The following VEPH1 variants were observed in gnomAD, a reference collection of about 807,000 sequenced individuals.
The protein encoded by VEPH1 is ventricular zone-expressed PH domain-containing protein homolog 1.
VEPH1 carries 80 observed loss-of-function variants against 85.2 expected under a neutral mutation model. The observed-to-expected ratio is 0.94, with a 90% CI of 0.78 to 1.13. The LOEUF (loss-of-function observed/expected upper bound fraction) is 1.13, where lower values mean the gene tolerates loss of function less well. Among genes scored for constraint, VEPH1 ranks in the 50% most tolerant of loss-of-function variants. The pLI, the probability that VEPH1 is intolerant of heterozygous loss-of-function variation, is 0.00. For synonymous variants in VEPH1, 297 were observed against 348.0 expected, an observed-to-expected ratio of 0.85 and a Z score of 1.63; for missense variants, 955 against 980.5, an observed-to-expected ratio of 0.97 and a Z score of 0.35.
At chr3:157,339,123 G>A (rs1399567106) in intron 9 of VEPH1, among the ~76,000 whole-genome samples, 1 of 152,194 alleles carries the variant, frequency 6.6e-6, no homozygotes, top group African/African-American at 2.4e-5. Flanking sequence ...CATGAGGTAT[G>A]TGAGATAACT....
At chr3:157,485,090 C>T (rs559685980) in intron 2 of VEPH1, among the ~76,000 whole-genome samples, 2 of 152,274 alleles carry the variant, frequency 1.3e-5, no homozygotes, top group South Asian at 2.1e-4. Flanking sequence ...TGTGGAATTG[C>T]TGTCATTCCC....
chr3:157,287,235 C>T (rs975800075), intron 11 of VEPH1, among the ~76,000 whole-genome samples: 1 of 152,004 alleles, frequency 6.6e-6, no homozygotes, highest in Non-Finnish European at 1.5e-5. Flanking sequence ...ATTAGCCAGG[C>T]ATGGTGGTAT....
At chr3:157,341,954 C>A (rs1185249438) in intron 9 of VEPH1, among the ~76,000 whole-genome samples, 8 of 152,204 alleles carry the variant, frequency 5.3e-5, no homozygotes, top group African/African-American at 1.7e-4. Flanking sequence ...GAAATAAAAT[C>A]CTTTACAGAC....
At chr3:157,472,851 C>CT (rs1234650745) in intron 2 of VEPH1, among the ~76,000 whole-genome samples, 3 of 151,978 alleles carry the variant, frequency 2.0e-5, no homozygotes. Flanking sequence ...TGATCTTGCT[C>CT]TTTTTTACGG....
At chr3:157,453,270 G>A (rs557711171) in intron 4 of VEPH1, among the ~76,000 whole-genome samples, 4 of 152,154 alleles carry the variant, frequency 2.6e-5, no homozygotes, top group African/African-American at 4.8e-5. Flanking sequence ...GACTTTGCAG[G>A]CATGTGTGCC....
chr3:157,338,463 T>G (rs1723186848), intron 9 of VEPH1, among the ~76,000 whole-genome samples: 1 of 152,182 alleles, frequency 6.6e-6, no homozygotes, highest in South Asian at 2.1e-4. Context: ...TATTCCACAT[T>G]TTTCAAACCT....
intron 7 of VEPH1, among the ~76,000 whole-genome samples, chr3:157,366,574 A>C (rs565197193): frequency 6.6e-6 from 1 of 152,140 alleles, no homozygotes; most frequent in African/African-American, 2.4e-5. Flanking sequence ...GTCTCTACTA[A>C]AAATACAAAA....
intron 2 of VEPH1, among the ~76,000 whole-genome samples, chr3:157,484,326 A>C (rs903901687): frequency 6.6e-6 from 1 of 151,900 alleles, no homozygotes; most frequent in Non-Finnish European, 1.5e-5. Context: ...GGGTCTTGCT[A>C]TGTTGCCCAG....
intron 1 of VEPH1, among the ~76,000 whole-genome samples, chr3:157,501,016 C>A (rs1003407864): frequency 6.6e-6 from 1 of 152,300 alleles, no homozygotes; most frequent in African/African-American, 2.4e-5. Flanking sequence ...AAAGTGCCAG[C>A]AATCATATCC....
chr3:157,361,380 T>A (rs905020942), intron 9 of VEPH1, among the ~76,000 whole-genome samples: 1 of 152,078 alleles, frequency 6.6e-6, no homozygotes, highest in Non-Finnish European at 1.5e-5. Flanking sequence ...TTTGTTAGCA[T>A]GAGAACACAC....
chr3:157,338,471 C>G (rs1723187763), intron 9 of VEPH1, among the ~76,000 whole-genome samples: 1 of 152,150 alleles, frequency 6.6e-6, no homozygotes, highest in Non-Finnish European at 1.5e-5. Flanking sequence ...ATTTTTCAAA[C>G]CTAAATTTTC....
rs778679224 is a variant in VEPH1, at chr3:157,261,331, C to T, written c.2305G>A (p.Val769Ile). The T allele has an allele frequency of 6.2e-7, 1 of 1,613,632 alleles. No individual in the cohort carries two copies. Among genetic ancestry groups the T allele is most frequent in the South Asian group, 1.1e-5 (1 of 91,070 alleles). The change falls in exon 14 of 14, where the codon GTA becomes ATA. Residue 769 changes from valine (V) to isoleucine (I), a missense_variant. Val to Ile is a conservative substitution (Grantham distance 29). Transcript: ENST00000362010. Reference protein sequence around the residue: ...PDDCPIELSKVQSVKAVAKKR... With the variant: ...PDDCPIELSKIQSVKAVAKKR... ...TTGGCCACAGCCTTCACACTCTGTA[C>T]TTTGCTGAGTTCTATTGGGCAGTCG...
intron 3 of VEPH1, among the ~76,000 whole-genome samples, chr3:157,461,644 G>T (rs1460323939): frequency 2.0e-5 from 3 of 152,088 alleles, no homozygotes; most frequent in African/African-American, 4.8e-5. Context: ...CAAAAGAAAA[G>T]ACATGAGATA....
At chr3:157,411,881 G>C (rs1172516838) in intron 6 of VEPH1, among the ~76,000 whole-genome samples, 2 of 152,180 alleles carry the variant, frequency 1.3e-5, no homozygotes, top group Non-Finnish European at 2.9e-5. Context: ...GTTAGCCTTT[G>C]ATATGGTTTG....
At chr3:157,342,425 A>G (rs530069774) in intron 9 of VEPH1, among the ~76,000 whole-genome samples, 34 of 152,348 alleles carry the variant, frequency 2.2e-4, no homozygotes, top group Non-Finnish European at 4.3e-4. Context: ...CAAAAGAGAC[A>G]AAGGAGGCCA....
chr3:157,409,820 C>T (rs1247872049), intron 6 of VEPH1: 4 of 985,168 alleles, frequency 4.1e-6, no homozygotes, highest in East Asian at 1.1e-4. Context: ...GATTCCAGGC[C>T]GTCTCTACCC....
chr3:157,432,780 C>G (rs1407917667), intron 4 of VEPH1, among the ~76,000 whole-genome samples: 1 of 152,144 alleles, frequency 6.6e-6, no homozygotes, highest in Non-Finnish European at 1.5e-5. Flanking sequence ...TGTCAACATC[C>G]TTGAAAAACC....
intron 6 of VEPH1, among the ~76,000 whole-genome samples, chr3:157,407,957 G>A (rs1006630368): frequency 1.3e-5 from 2 of 152,148 alleles, no homozygotes; most frequent in African/African-American, 4.8e-5. Flanking sequence ...GAGTGGCTGA[G>A]TCAGGACTGA....
intron 9 of VEPH1, among the ~76,000 whole-genome samples, chr3:157,318,628 A>AC (rs879785337): frequency 0.031 from 2,797 of 91,012 alleles, 38 homozygotes; most frequent in Non-Finnish European, 0.038. Flanking sequence ...ACAAAACAAA[A>AC]AAAAAAAGAA....
Sources: gnomAD v4.1 joint callset for allele counts (sites outside exome capture counted in the v4.1 genomes callset) on GRCh38, gnomAD v4.1.1 for gene constraint, MANE v1.5 for transcripts, NCBI Gene and HGNC (gene_info 2026-07-23, HGNC 2026-07-21) for gene names.